Variants in ANKRD6 observed in about 807,000 individuals in gnomAD.
ANKRD6 encodes the protein ankyrin repeat domain 6, also known as ankyrin repeat domain-containing protein 6.
Under a neutral mutation model 82.3 loss-of-function variants are expected in ANKRD6, and 56 were observed. The ratio of observed to expected loss-of-function variants is 0.68; its 90% CI spans 0.55 to 0.85. ANKRD6 has a LOEUF of 0.85. Ranked by LOEUF, ANKRD6 falls within the 40% of genes least tolerant of loss-of-function variation. The pLI is 0.00. For synonymous variants in ANKRD6, 347 were observed against 352.1 expected, an observed-to-expected ratio of 0.99 and a Z score of 0.16; for missense variants, 852 against 907.6, an observed-to-expected ratio of 0.94 and a Z score of 0.79.
At chr6:89,504,634 G>T (rs144766967) in intron 1 of ANKRD6, among the ~76,000 whole-genome samples, 121 of 152,176 alleles carry the variant, frequency 8.0e-4, no homozygotes, top group Admixed American at 6.7e-3. Flanking sequence ...CAAACTCCTG[G>T]ACTCAAGCAA....
rs574135665 is a variant in ANKRD6, at chr6:89,610,464, T to C, written c.418-1808T>C. 2.0e-3 allele frequency among the ~76,000 whole-genome samples: 305 copies of C among 152,354 alleles called. 4 individuals carry two copies. The highest frequency in any genetic ancestry group is 7.0e-3 in the African/African-American group (290 of 41,580). ...TTTATTGCTGAGGAGTATTCCATTG[T>C]GTGGATCTACCACAATTTGTTTATC... is the stretch of plus-strand genomic sequence containing the variant. On this transcript the variant is annotated intron_variant, in intron 5 of 15. Coordinates refer to ENST00000339746, the MANE Select transcript of ANKRD6 (RefSeq NM_001242809.2).
chr6:89,562,649 G>T (rs1399420420), intron 1 of ANKRD6: 1 of 152,216 alleles, frequency 6.6e-6, no homozygotes, highest in African/African-American at 2.4e-5. Flanking sequence ...TTCAGAAGCT[G>T]TGACGAGCAG....
intron 2 of ANKRD6, among the ~76,000 whole-genome samples, chr6:89,570,622 G>A (rs150763672): frequency 1.2e-4 from 19 of 152,246 alleles, no homozygotes; most frequent in African/African-American, 2.9e-4. Context: ...ACTGTTAGCC[G>A]CACCTCAAAT....
At chr6:89,444,593 A>G (rs1771828930) in intron 1 of ANKRD6, among the ~76,000 whole-genome samples, 1 of 152,238 alleles carries the variant, frequency 6.6e-6, no homozygotes, top group Non-Finnish European at 1.5e-5. Context: ...TGACAGACTT[A>G]TAACTAATTA....
rs756426026 is a variant in ANKRD6 at position 89,629,201 on chromosome 6, A to G, written c.1575A>G (p.Arg525=). 12 of 1,613,728 alleles carry G rather than the reference A, an allele frequency of 7.4e-6. No individual in the cohort carries two copies. The Admixed American group carries it at 1.8e-4, about 25-fold the overall frequency. Residue 525 remains arginine (R), a synonymous_variant, in exon 15 of 16, where the codon AGA becomes AGG. Coordinates refer to ENST00000339746, the MANE Select transcript of ANKRD6 (RefSeq NM_001242809.2). The part of the protein sequence containing the change: ...QKLSGDSRAC[R]AKSTPSTCES... ...TTTCTGGAGATTCTAGGGCCTGCAG[A>G]GCTAAATCCACACCATCTACTTGTG...
intron 5 of ANKRD6, 89 bp downstream of exon 5, chr6:89,606,194 A>C (rs1798576473): frequency 9.2e-7 from 1 of 1,086,106 alleles, no homozygotes; most frequent in African/African-American, 1.6e-5. Context: ...TCCAGTGAGA[A>C]GAGTGAGAGC....
chr6:89,441,911 C>T (rs1771444960), intron 1 of ANKRD6, among the ~76,000 whole-genome samples: 3 of 152,020 alleles, frequency 2.0e-5, no homozygotes, highest in African/African-American at 4.8e-5. Context: ...GGATTACAGG[C>T]GTGAGCCACT....
chr6:89,583,464 A>G (rs1793037783), intron 2 of ANKRD6, among the ~76,000 whole-genome samples: 1 of 152,240 alleles, frequency 6.6e-6, no homozygotes, highest in Non-Finnish European at 1.5e-5. Flanking sequence ...AAGGATGGTA[A>G]TTAGGCATGT....
intron 2 of ANKRD6, among the ~76,000 whole-genome samples, chr6:89,594,565 A>G (rs1486598595): frequency 2.6e-5 from 4 of 152,202 alleles, no homozygotes; most frequent in African/African-American, 9.7e-5. Flanking sequence ...AGTGATGAAT[A>G]CCAAATTTGA....
chr6:89,539,455 T>G (rs1386817073), intron 1 of ANKRD6, among the ~76,000 whole-genome samples: 8 of 152,148 alleles, frequency 5.3e-5, no homozygotes, highest in Admixed American at 5.2e-4. Context: ...AATAATGATA[T>G]ACATGGTGTT....
intron 1 of ANKRD6, among the ~76,000 whole-genome samples, chr6:89,550,018 C>T (rs1005798516): frequency 6.6e-6 from 1 of 152,066 alleles, no homozygotes; most frequent in Non-Finnish European, 1.5e-5. Flanking sequence ...ATCACCTGGG[C>T]CCAGGAGTTT....
intron 1 of ANKRD6, among the ~76,000 whole-genome samples, chr6:89,501,376 A>G (rs1265813920): frequency 6.6e-6 from 1 of 152,184 alleles, no homozygotes; most frequent in African/African-American, 2.4e-5. Context: ...TCTGATCTGC[A>G]TTTGCATTTG....
rs186059255 is a variant in ANKRD6 at position 89,470,634 on chromosome 6, G to A, written c.-144+37259G>A. Among the ~76,000 whole-genome samples, 96 of 142,562 alleles carry A rather than the reference G, an allele frequency of 6.7e-4. No homozygotes were observed. The East Asian group carries it at 9.4e-3, about 14-fold the overall frequency. The allele number at this position is 142,562 out of a possible 152,430, so 93.5% of individuals were successfully genotyped here. On this transcript the variant is annotated intron_variant, in intron 1 of 15. Transcript: ENST00000339746. ...CTGCCTCAATAATAATAATAATAAT[G>A]ATGATGATGTACTCCCCCTTTAAAT...
chr6:89,533,727 A>AGTGTGTGTGTGTGT (rs59064465), intron 1 of ANKRD6, among the ~76,000 whole-genome samples: 16 of 142,036 alleles, frequency 1.1e-4, no homozygotes, highest in Admixed American at 3.5e-4. Flanking sequence ...AGAGAAAATG[A>AGTGTGTGTGTGTGT]GTGTGTGTGT....
chr6:89,508,738 G>T (rs1780171957), intron 1 of ANKRD6: 1 of 152,152 alleles, frequency 6.6e-6, no homozygotes, highest in Non-Finnish European at 1.5e-5. Context: ...TTGAAATGTT[G>T]TGAATGGTCC....
intron 1 of ANKRD6, among the ~76,000 whole-genome samples, chr6:89,543,870 C>G (rs1456519730): frequency 6.6e-6 from 1 of 152,246 alleles, no homozygotes; most frequent in African/African-American, 2.4e-5. Flanking sequence ...TCTGGCCTTG[C>G]TGTCCGTTAT....
intron 1 of ANKRD6, among the ~76,000 whole-genome samples, chr6:89,536,432 CT>C (rs1290125070): frequency 1.3e-5 from 2 of 152,226 alleles, no homozygotes; most frequent in African/African-American, 2.4e-5. Flanking sequence ...ACCTGAGGCA[CT>C]ATTGAGAAGA....
At chr6:89,598,073 C>T (rs750901879) in intron 3 of ANKRD6, 166 of 977,652 alleles carry the variant, frequency 1.7e-4, no homozygotes, top group Non-Finnish European at 1.9e-4. Flanking sequence ...AGAATTTACT[C>T]CTAACTTCAT....
chr6:89,576,916 T>C (rs1379960706), intron 2 of ANKRD6, among the ~76,000 whole-genome samples: 1 of 152,126 alleles, frequency 6.6e-6, no homozygotes, highest in Admixed American at 6.6e-5. Flanking sequence ...CCAGCTGCCT[T>C]CATGGGCATT....
Sources: gnomAD v4.1 joint callset for allele counts (sites outside exome capture counted in the v4.1 genomes callset) on GRCh38, gnomAD v4.1.1 for gene constraint, MANE v1.5 for transcripts, NCBI Gene and HGNC (gene_info 2026-07-23, HGNC 2026-07-21) for gene names.